Variants in LRRFIP2 observed in about 807,000 individuals in gnomAD.
LRRFIP2 encodes the protein LRR binding FLII interacting protein 2, also known as leucine-rich repeat flightless-interacting protein 2.
Under a neutral mutation model 125.9 loss-of-function variants are expected in LRRFIP2, and 109 were observed. The observed-to-expected ratio is 0.87, with a 90% CI of 0.74 to 1.01. The LOEUF (loss-of-function observed/expected upper bound fraction) is 1.01, where lower values mean the gene tolerates loss of function less well. LRRFIP2 is among the 50% of genes least tolerant of loss of function. The pLI is 0.00. For missense variants in LRRFIP2, 850 were observed against 862.3 expected, an observed-to-expected ratio of 0.99 and a Z score of 0.18; for synonymous variants, 291 against 293.1, an observed-to-expected ratio of 0.99 and a Z score of 0.07.
At chr3:37,062,282 AAACT>A (rs1450206873) in intron 24 of LRRFIP2, among the ~76,000 whole-genome samples, 1 of 152,122 alleles carries the variant, frequency 6.6e-6, no homozygotes, top group Non-Finnish European at 1.5e-5. Flanking sequence ...TTTTTTTTCT[AAACT>A]AATTTATTCA....
chr3:37,146,751 C>T (rs543608258), intron 2 of LRRFIP2, among the ~76,000 whole-genome samples: 2 of 152,182 alleles, frequency 1.3e-5, no homozygotes, highest in South Asian at 4.1e-4. Context: ...TCAAATGTAA[C>T]CCAAAACTAT....
At chr3:37,162,155 CAAA>C (rs71091697) in intron 1 of LRRFIP2, among the ~76,000 whole-genome samples, 12 of 73,982 alleles carry the variant, frequency 1.6e-4, no homozygotes, top group Non-Finnish European at 2.7e-4. Context: ...GACCCTGTCT[CAAA>C]AAAAAAAAAA....
chr3:37,116,958 T>A (rs972121499), intron 6 of LRRFIP2, among the ~76,000 whole-genome samples: 6 of 152,104 alleles, frequency 3.9e-5, no homozygotes, highest in Non-Finnish European at 5.9e-5. Flanking sequence ...AATATTATTA[T>A]TGCATGTGTA....
intron 2 of LRRFIP2, chr3:37,134,661 G>A: frequency 3.1e-6 from 2 of 653,564 alleles, no homozygotes; most frequent in Non-Finnish European, 2.9e-6. Flanking sequence ...ACATACTATG[G>A]CACTAAGACA....
chr3:37,170,060 C>A (rs899402554), intron 1 of LRRFIP2, among the ~76,000 whole-genome samples: 11 of 152,112 alleles, frequency 7.2e-5, no homozygotes, highest in Non-Finnish European at 1.6e-4. Flanking sequence ...TTTTTCTCCT[C>A]ACACTGAATC....
chr3:37,133,448 T>C (rs2095479904), intron 2 of LRRFIP2, among the ~76,000 whole-genome samples: 1 of 152,180 alleles, frequency 6.6e-6, no homozygotes, highest in African/African-American at 2.4e-5. Context: ...GGTATACACA[T>C]ACTTTGGATC....
chr3:37,134,860 C>G (rs1016117168), intron 2 of LRRFIP2: 5 of 1,155,062 alleles, frequency 4.3e-6, no homozygotes, highest in Non-Finnish European at 6.5e-6. Flanking sequence ...CCTAAGGTTG[C>G]ATGTACAACA....
At chr3:37,063,815 A>C (rs752505872) in intron 23 of LRRFIP2, 24 bp from the exon 24 acceptor site, 2 of 1,578,982 alleles carry the variant, frequency 1.3e-6, no homozygotes, top group South Asian at 1.1e-5. Flanking sequence ...AAAAGATCAT[A>C]AACTAAATAT....
At chr3:37,162,480 C>T (rs910740119) in intron 1 of LRRFIP2, among the ~76,000 whole-genome samples, 7 of 152,140 alleles carry the variant, frequency 4.6e-5, no homozygotes, top group Middle Eastern at 3.2e-3. Flanking sequence ...AAATTATAGA[C>T]AATCTATAAG....
chr3:37,106,268 G>A (rs906784957), intron 13 of LRRFIP2, among the ~76,000 whole-genome samples: 1 of 152,142 alleles, frequency 6.6e-6, no homozygotes, highest in Non-Finnish European at 1.5e-5. Context: ...CAAGGACAAC[G>A]AAGTGATGGT....
chr3:37,084,367 T>TA (rs1355401255), intron 18 of LRRFIP2, among the ~76,000 whole-genome samples: 1 of 151,822 alleles, frequency 6.6e-6, no homozygotes, highest in Non-Finnish European at 1.5e-5. Flanking sequence ...AAATGAATAT[T>TA]AAAAAAAGAG....
At chr3:37,065,705 G>A in intron 23 of LRRFIP2, 105 bp downstream of exon 23, 1 of 1,388,634 alleles carries the variant, frequency 7.2e-7, no homozygotes, top group Non-Finnish European at 1.0e-6. Context: ...ATCTACTTGA[G>A]TCTCAGCCCT....
At chr3:37,081,798 G>C (rs536150375) in intron 19 of LRRFIP2, among the ~76,000 whole-genome samples, 2 of 151,568 alleles carry the variant, frequency 1.3e-5, no homozygotes, top group African/African-American at 4.8e-5. Context: ...TGAGGTGGGA[G>C]GATCACTTGA....
At chr3:37,124,929 G>T (rs1047911962) in intron 4 of LRRFIP2, among the ~76,000 whole-genome samples, 3 of 151,970 alleles carry the variant, frequency 2.0e-5, no homozygotes, top group Admixed American at 6.6e-5. Flanking sequence ...GTGTTCTTAG[G>T]TGCCAGTTAC....
At chr3:37,159,826 A>T (rs1279847433) in intron 1 of LRRFIP2, among the ~76,000 whole-genome samples, 1 of 148,602 alleles carries the variant, frequency 6.7e-6, no homozygotes, top group Non-Finnish European at 1.5e-5. Flanking sequence ...CAATTTCTGG[A>T]AGAAAAAAAA....
intron 15 of LRRFIP2, 89 bp downstream of exon 15, chr3:37,102,835 T>C (rs1214986188): frequency 7.9e-6 from 7 of 885,522 alleles, no homozygotes; most frequent in Non-Finnish European, 1.2e-5. Flanking sequence ...TAAATCAAGT[T>C]CCCACTTTTA....
At chr3:37,095,465 T>C (rs769933601) in intron 16 of LRRFIP2, among the ~76,000 whole-genome samples, 3 of 152,326 alleles carry the variant, frequency 2.0e-5, no homozygotes, top group Non-Finnish European at 2.9e-5. Context: ...ATTAATAAAC[T>C]GCATGAATCT....
intron 1 of LRRFIP2, among the ~76,000 whole-genome samples, chr3:37,156,673 CAAAAAAAA>C (rs59647339): frequency 6.5e-5 from 2 of 30,584 alleles, no homozygotes; most frequent in East Asian, 1.9e-3. Flanking sequence ...GACTCAGTAT[CAAAAAAAA>C]AAAAAAAAAA....
chr3:37,105,759 TTTTA>T (rs1264786491), intron 13 of LRRFIP2, among the ~76,000 whole-genome samples: 1 of 152,166 alleles, frequency 6.6e-6, no homozygotes, highest in African/African-American at 2.4e-5. Context: ...AAACCTTATA[TTTTA>T]TTTAAGTTAC....
Sources: allele counts gnomAD v4.1 joint callset (sites outside exome capture counted in the v4.1 genomes callset), GRCh38; gene constraint gnomAD v4.1.1; transcripts MANE v1.5; gene names NCBI Gene and HGNC (gene_info 2026-07-23, HGNC 2026-07-21).